The following NALF1 variants were observed in gnomAD, a reference collection of about 807,000 sequenced individuals.
NALF1 encodes the protein family with sequence similarity 155 member A.
In NALF1, 3 loss-of-function variants were observed where a neutral mutation model predicts 48.4. The observed-to-expected ratio is 0.06, with a 90% CI of 0.03 to 0.16. The LOEUF is 0.16. NALF1 is among the 10% of genes least tolerant of loss of function. The pLI is 1.00. For missense variants in NALF1, 526 were observed against 571.5 expected, an observed-to-expected ratio of 0.92 and a Z score of 0.81; for synonymous variants, 262 against 245.7, an observed-to-expected ratio of 1.07 and a Z score of -0.62.
chr13:107,785,247 G>A (rs1205291875), intron 1 of NALF1, among the ~76,000 whole-genome samples: 2 of 151,966 alleles, frequency 1.3e-5, no homozygotes, highest in East Asian at 3.9e-4. Context: ...GAGCTCCCAG[G>A]AGGCAGTAGG....
rs1320777766 is a variant in NALF1 at position 107,703,377 on chromosome 13, T to G, written c.915+162305A>C. Among the ~76,000 whole-genome samples, 4 of 150,872 alleles carry G rather than the reference T, an allele frequency of 2.7e-5. 1 individual carries two copies. Among genetic ancestry groups the G allele is most frequent in the Non-Finnish European group, 4.4e-5 (3 of 67,676 alleles). On this transcript the variant is annotated intron_variant, in intron 1 of 2. Coordinates refer to ENST00000375915, the MANE Select transcript of NALF1 (RefSeq NM_001080396.3). ...TCATTTGCTTAGTTTTTTTTTTTTTTTTTTGGACAGAGTCTCGCACTGTCA... is the reference window on the plus strand; with the variant it reads ...TCATTTGCTTAGTTTTTTTTTTTTTGTTTTGGACAGAGTCTCGCACTGTCA...
intron 1 of NALF1, among the ~76,000 whole-genome samples, chr13:107,603,667 T>C (rs905833597): frequency 6.6e-6 from 1 of 152,176 alleles, no homozygotes; most frequent in Non-Finnish European, 1.5e-5. Flanking sequence ...TTGAAGAAGA[T>C]AGTGAAGATT....
chr13:107,334,770 T>C (rs931336385), intron 1 of NALF1, among the ~76,000 whole-genome samples: 1 of 152,152 alleles, frequency 6.6e-6, no homozygotes, highest in Non-Finnish European at 1.5e-5. Context: ...AGTTACTTTT[T>C]GGGGGAAATG....
At chr13:107,373,727 CTT>C (rs1019058146) in intron 1 of NALF1, among the ~76,000 whole-genome samples, 1 of 152,048 alleles carries the variant, frequency 6.6e-6, no homozygotes, top group African/African-American at 2.4e-5. Flanking sequence ...TTTTTCTTTT[CTT>C]TCTTTCCTTT....
At chr13:107,410,169 AT>A (rs528071832) in intron 1 of NALF1, among the ~76,000 whole-genome samples, 2 of 152,070 alleles carry the variant, frequency 1.3e-5, no homozygotes, top group African/African-American at 4.8e-5. Flanking sequence ...CTCAGGAAAG[AT>A]TTTTTTCTTT....
At chr13:107,404,594 G>T (rs572294988) in intron 1 of NALF1, among the ~76,000 whole-genome samples, 5 of 152,116 alleles carry the variant, frequency 3.3e-5, no homozygotes, top group African/African-American at 1.2e-4. Flanking sequence ...AACAAATTTG[G>T]TATTGAACAA....
At chr13:107,818,732 C>T (rs956260376) in intron 1 of NALF1, among the ~76,000 whole-genome samples, 5 of 146,964 alleles carry the variant, frequency 3.4e-5, no homozygotes, top group Non-Finnish European at 5.9e-5. Context: ...ATTAGCCGGG[C>T]GTGGTAGCGG....
intron 1 of NALF1, among the ~76,000 whole-genome samples, chr13:107,646,162 G>A (rs9559117): frequency 0.19 from 29,333 of 151,984 alleles, 3,023 homozygotes; most frequent in Middle Eastern, 0.36. Context: ...GATGTTCTCA[G>A]TGGGAACGCT....
At chr13:107,281,668 T>C (rs1213526031) in intron 1 of NALF1, among the ~76,000 whole-genome samples, 2 of 152,150 alleles carry the variant, frequency 1.3e-5, no homozygotes, top group African/African-American at 2.4e-5. Context: ...ATTTTCACAC[T>C]GCTATAAAGA....
chr13:107,386,647 G>A (rs1883535918), intron 1 of NALF1, among the ~76,000 whole-genome samples: 1 of 152,136 alleles, frequency 6.6e-6, no homozygotes, highest in African/African-American at 2.4e-5. Context: ...GAGATGGCCT[G>A]GTGACCTCAA....
intron 1 of NALF1, among the ~76,000 whole-genome samples, chr13:107,630,614 G>T (rs1304959216): frequency 6.6e-6 from 1 of 152,008 alleles, no homozygotes; most frequent in Non-Finnish European, 1.5e-5. Context: ...TGAATAATAG[G>T]GGAAAATATA....
At chr13:107,510,039 G>A (rs1875834309) in intron 1 of NALF1, among the ~76,000 whole-genome samples, 1 of 152,086 alleles carries the variant, frequency 6.6e-6, no homozygotes, top group African/African-American at 2.4e-5. Flanking sequence ...GAACTCCCGA[G>A]CTCAAGTGAT....
intron 1 of NALF1, among the ~76,000 whole-genome samples, chr13:107,826,149 T>C (rs554972865): frequency 6.6e-6 from 1 of 152,238 alleles, no homozygotes; most frequent in African/African-American, 2.4e-5. Context: ...GCCACATTAC[T>C]GAAGCCTGGA....
intron 1 of NALF1, among the ~76,000 whole-genome samples, chr13:107,826,325 A>G (rs1347730990): frequency 6.7e-6 from 1 of 149,328 alleles, no homozygotes; most frequent in Non-Finnish European, 1.5e-5. Flanking sequence ...GTGTGTGTGT[A>G]GTTCCTACCA....
chr13:107,532,560 G>A (rs985073029), intron 1 of NALF1, among the ~76,000 whole-genome samples: 54 of 152,092 alleles, frequency 3.6e-4, no homozygotes, highest in Admixed American at 1.4e-3. Flanking sequence ...GTGTGGTATA[G>A]TCCAAAATCA....
At position 107,163,982 on chromosome 13, in the gene NALF1, T is replaced by C. The variant is rs1475161477; in HGVS notation, c.*6515A>G. On this transcript the variant is annotated 3_prime_UTR_variant, in exon 3 of 3. Coordinates refer to ENST00000375915, the MANE Select transcript of NALF1 (RefSeq NM_001080396.3). ...GTAGTTTATATTTCCTATTGTTTTA[T>C]CCATTTTGCAGTGAAATGGTCAGTA... The C allele has an allele frequency of 6.6e-6, 1 of 152,220 alleles. No homozygotes were observed. The allele number at this position is 152,220 out of a possible 1,614,324, so 9.4% of individuals were successfully genotyped here. A position where few individuals can be genotyped will look rare whatever the true frequency, so the allele number is the denominator to read the frequency against.
intron 1 of NALF1, among the ~76,000 whole-genome samples, chr13:107,550,914 C>A (rs78877505): frequency 2.7e-5 from 4 of 149,602 alleles, no homozygotes; most frequent in Admixed American, 1.3e-4. Context: ...AAAAAAAAAA[C>A]TTATTGTTTG....
At chr13:107,720,789 G>C (rs1327625668) in intron 1 of NALF1, among the ~76,000 whole-genome samples, 1 of 152,118 alleles carries the variant, frequency 6.6e-6, no homozygotes. Flanking sequence ...GCACAATCAA[G>C]CTGAGCTGAA....
intron 2 of NALF1, among the ~76,000 whole-genome samples, chr13:107,191,403 T>C (rs947772312): frequency 6.6e-6 from 1 of 152,218 alleles, no homozygotes; most frequent in Non-Finnish European, 1.5e-5. Context: ...AAAGCAGTCA[T>C]TCTTGTGATA....
Sources: gnomAD v4.1 joint callset for allele counts (sites outside exome capture counted in the v4.1 genomes callset) on GRCh38, gnomAD v4.1.1 for gene constraint, MANE v1.5 for transcripts, NCBI Gene and HGNC (gene_info 2026-07-23, HGNC 2026-07-21) for gene names.